OSBPL5: variants seen among roughly 807,000 people sequenced by gnomAD.
OSBPL5 encodes the protein oxysterol-binding protein-related protein 5.
A neutral mutation model predicts 111.2 loss-of-function variants in OSBPL5; 71 were observed. The observed-to-expected ratio is 0.64, with a 90% CI of 0.53 to 0.78. The LOEUF is 0.78. Among genes scored for constraint, OSBPL5 ranks in the 30% least tolerant of loss-of-function variants. The probability of loss-of-function intolerance (pLI) is 0.00; values close to 1 mark genes in which losing one functional copy is unlikely to be tolerated. For synonymous variants in OSBPL5, 549 were observed against 513.9 expected (o/e 1.07, Z -0.93); for missense variants, 1,210 against 1,189.3 (o/e 1.02, Z -0.26).
At chr11:3,093,925 C>A in intron 15 of OSBPL5, 90 bp from the exon 16 acceptor site, 1 of 1,466,604 alleles carries the variant, frequency 6.8e-7, no homozygotes, top group South Asian at 1.2e-5. Flanking sequence ...CAGTTATTCT[C>A]TTGGGGTGCC....
Position 3,126,372 on chromosome 11 carries a change from C to T in OSBPL5, c.219+101G>A, listed in dbSNP as rs1317405795. The T allele has an allele frequency of 6.5e-6, 7 of 1,076,610 alleles. No individual in the cohort carries two copies. Among genetic ancestry groups the T allele is most frequent in the Non-Finnish European group, 9.0e-6 (7 of 779,032 alleles). The allele number at this position is 1,076,610 out of a possible 1,614,324, so 66.7% of individuals were successfully genotyped here. On this transcript the variant is annotated intron_variant, in intron 3 of 21. Coordinates refer to ENST00000263650, the MANE Select transcript of OSBPL5 (RefSeq NM_020896.4). The surrounding 1 kb of genome is among the most constrained non-coding windows in gnomAD (Gnocchi z 6.5). ...GTTTCCCCCGAACAGGCTGGAATGG[C>T]AGGCTCAGCTGGACGCCCTGCTGTC... is the stretch of plus-strand genomic sequence containing the variant.
In OSBPL5 at chr11:3,126,717, T is replaced by C; in HGVS notation, c.137-162A>G. 1.9e-6 allele frequency: 1 copy of C among 532,586 alleles called. No individual in the cohort carries two copies. The highest frequency in any genetic ancestry group is 2.0e-5 in the African/African-American group (1 of 51,240). The allele number at this position is 532,586 out of a possible 1,614,324, so 33.0% of individuals were successfully genotyped here. The stretch of plus-strand genomic sequence containing the variant: ...CAGGAACAGGACACTGCCTGAGAGG[T>C]GTAATAAACGCCAGCAAGCGTCACT... On this transcript the variant is annotated intron_variant, in intron 2 of 21. Coordinates refer to ENST00000263650, the MANE Select transcript of OSBPL5 (RefSeq NM_020896.4). The surrounding 1 kb of genome is among the most constrained non-coding windows in gnomAD (Gnocchi z 6.5).
Position 3,092,303 on chromosome 11 carries a change from G to A in OSBPL5, c.2259+129C>T, listed in dbSNP as rs1332746979. On this transcript the variant is annotated intron_variant, in intron 19 of 21. Transcript: ENST00000263650. This position sits in a 1 kb window ranked among gnomAD's most constrained non-coding sequence, Gnocchi z 5.4. ...TCGGCAGAGAAGGAAAGGGGACGAGGGGGCTGGGGGATGAGGGCGTGAGGG... is the reference window on the plus strand; with the variant it reads ...TCGGCAGAGAAGGAAAGGGGACGAGAGGGCTGGGGGATGAGGGCGTGAGGG... The A allele has an allele frequency of 1.6e-6, 2 of 1,282,550 alleles. No individual in the cohort carries two copies. The highest frequency in any genetic ancestry group is 2.6e-5 in the East Asian group (1 of 38,050). The allele number at this position is 1,282,550 out of a possible 1,614,324, so 79.4% of individuals were successfully genotyped here.
chr11:3,093,477 G>T (rs377467824), intron 17 of OSBPL5, 50 bp downstream of exon 17: 456 of 1,588,570 alleles, frequency 2.9e-4, no homozygotes, highest in Non-Finnish European at 3.5e-4. Context: ...TGCCTGCTTG[G>T]CCATGTCAGG....
In OSBPL5 at chr11:3,103,783, A is replaced by C. The variant is rs1362378908; in HGVS notation, c.1244+410T>G. ...TCTGCAGCCCCCTTCCAGCCTCTGCAGTCCCTTCCTGCCTCTGCAGCCCTC... is the reference window on the plus strand; with the variant it reads ...TCTGCAGCCCCCTTCCAGCCTCTGCCGTCCCTTCCTGCCTCTGCAGCCCTC... On this transcript the variant is annotated intron_variant, in intron 10 of 21. Coordinates refer to ENST00000263650, the MANE Select transcript of OSBPL5 (RefSeq NM_020896.4). 5.1e-3 allele frequency among the ~76,000 whole-genome samples: 260 copies of C among 51,366 alleles called. 7 individuals are homozygous for C. Among genetic ancestry groups the C allele is most frequent in the South Asian group, 0.013 (15 of 1,130 alleles). 33.7% of individuals were successfully genotyped at this position (51,366 alleles called of 152,430 possible).
At chr11:3,128,807 G>C (rs1858724690) in intron 2 of OSBPL5, among the ~76,000 whole-genome samples, 1 of 152,000 alleles carries the variant, frequency 6.6e-6, no homozygotes, top group Non-Finnish European at 1.5e-5. Context: ...TCAACCAGAT[G>C]GGCTTCACCT....
intron 1 of OSBPL5, among the ~76,000 whole-genome samples, chr11:3,157,945 G>T (rs951936475): frequency 5.3e-5 from 8 of 152,242 alleles, no homozygotes; most frequent in Non-Finnish European, 1.0e-4. Flanking sequence ...ACCCTTGGGT[G>T]CCAGTCACCA....
intron 10 of OSBPL5, among the ~76,000 whole-genome samples, 193 bp from the exon 11 acceptor site, chr11:3,103,513 G>A (rs1225277368): frequency 3.3e-5 from 5 of 152,202 alleles, no homozygotes; most frequent in East Asian, 1.9e-4. Context: ...ATCAGAAAGT[G>A]CCAGGGCTGC....
intron 1 of OSBPL5, among the ~76,000 whole-genome samples, chr11:3,148,219 CT>C (rs1446406365): frequency 6.6e-6 from 1 of 152,224 alleles, no homozygotes; most frequent in Non-Finnish European, 1.5e-5. Flanking sequence ...TCTTAGTTGT[CT>C]TTTGGGAAGG....
intron 6 of OSBPL5, 114 bp from the exon 7 acceptor site, chr11:3,119,745 G>T (rs1858337331): frequency 3.1e-6 from 3 of 972,702 alleles, no homozygotes; most frequent in Admixed American, 3.4e-5. Flanking sequence ...CACCCCCAGG[G>T]CCACAGGGCC....
At chr11:3,122,599 G>A (rs74901166) in intron 3 of OSBPL5, among the ~76,000 whole-genome samples, 171 bp from the exon 4 acceptor site, 7,270 of 152,254 alleles carry the variant, frequency 0.048, 346 homozygotes, top group African/African-American at 0.13. Context: ...GGGCTGCCAT[G>A]GGGGGATGGA....
At chr11:3,150,666 C>A (rs567218198) in intron 1 of OSBPL5, among the ~76,000 whole-genome samples, 2 of 152,314 alleles carry the variant, frequency 1.3e-5, no homozygotes, top group Admixed American at 1.3e-4. Context: ...CGGGGTCTCC[C>A]CCGTGGCCAC....
chr11:3,121,945 C>G lies in OSBPL5; in HGVS notation c.402+52G>C. 1 of 1,475,654 alleles carries G rather than the reference C, an allele frequency of 6.8e-7. No homozygotes were observed. The highest frequency in any genetic ancestry group is 9.2e-7 in the Non-Finnish European group (1 of 1,091,074). The allele number at this position is 1,475,654 out of a possible 1,614,324, so 91.4% of individuals were successfully genotyped here. Reference sequence around the variant, plus strand: ...CCTGGTTTATGGTCCTTTGTTATGGCAGCAGCACGCTGACCCGTGTCCTGG... The same window carrying G: ...CCTGGTTTATGGTCCTTTGTTATGGGAGCAGCACGCTGACCCGTGTCCTGG... On this transcript the variant is annotated intron_variant, in intron 5 of 21. Transcript: ENST00000263650. The surrounding 1 kb of genome is among the most constrained non-coding windows in gnomAD (Gnocchi z 4.3).
Position 3,105,786 on chromosome 11 carries a change from C to T in OSBPL5, c.1060-1409G>A, listed in dbSNP as rs1013342304. On this transcript the variant is annotated intron_variant, in intron 9 of 21. Coordinates refer to ENST00000263650, the MANE Select transcript of OSBPL5 (RefSeq NM_020896.4). This position sits in a 1 kb window ranked among gnomAD's most constrained non-coding sequence, Gnocchi z 5.2. ...GGCTGCCCGCTCCATGCCCTCTGCCCGGAGCCCCAGGCTCGCACCTGCAGC... is the reference window on the plus strand; with the variant it reads ...GGCTGCCCGCTCCATGCCCTCTGCCTGGAGCCCCAGGCTCGCACCTGCAGC... Among the ~76,000 whole-genome samples, 30 of 152,196 alleles carry T rather than the reference C, an allele frequency of 2.0e-4. No individual in the cohort carries two copies. The highest frequency in any genetic ancestry group is 2.6e-4 in the Admixed American group (4 of 15,288).
intron 14 of OSBPL5, among the ~76,000 whole-genome samples, chr11:3,096,918 A>T (rs1415197675): frequency 1.3e-5 from 2 of 149,106 alleles, no homozygotes; most frequent in African/African-American, 4.9e-5. Flanking sequence ...TAAAGGGGAG[A>T]AGACGGGAGG....
chr11:3,118,099 A>C (rs995520462), intron 7 of OSBPL5, among the ~76,000 whole-genome samples: 32 of 152,266 alleles, frequency 2.1e-4, no homozygotes, highest in Non-Finnish European at 4.1e-4. Flanking sequence ...ATCAGGTGGA[A>C]CCTGAGACCA....
Position 3,126,564 on chromosome 11 carries a change from G to A in OSBPL5, c.137-9C>T, listed in dbSNP as rs540373979. On this transcript the variant is annotated splice_polypyrimidine_tract_variant and intron_variant, in intron 2 of 21. Coordinates refer to ENST00000263650, the MANE Select transcript of OSBPL5 (RefSeq NM_020896.4). This position sits in a 1 kb window ranked among gnomAD's most constrained non-coding sequence, Gnocchi z 6.5. ...GGGCTCCATGTCCTTCCCTGCAAGA[G>A]AGCAGTGGGAGTGAGGACCCAGGCA... 11 of 1,605,010 alleles carry A rather than the reference G, an allele frequency of 6.9e-6. No homozygotes were observed. The highest frequency in any genetic ancestry group is 1.7e-5 in the Admixed American group (1 of 59,454).
rs1306756070 is a variant in OSBPL5, at chr11:3,094,235, A to C, written c.1719+2T>G. 1 of 1,613,030 alleles carries C rather than the reference A, an allele frequency of 6.2e-7. No individual in the cohort carries two copies. Among genetic ancestry groups the C allele is most frequent in the Admixed American group, 1.7e-5 (1 of 59,984 alleles). On this transcript the variant is annotated splice_donor_variant, in intron 15 of 21. Transcript: ENST00000263650. LOFTEE classifies it high-confidence loss of function. Reference sequence around the variant, plus strand: ...TCTCCCCCAGGCTGCAGCCAGCGCTACCTTGAGTTTGAATTCCAGCTGGGC... The same window carrying C: ...TCTCCCCCAGGCTGCAGCCAGCGCTCCCTTGAGTTTGAATTCCAGCTGGGC...
intron 2 of OSBPL5, among the ~76,000 whole-genome samples, chr11:3,128,528 T>C (rs1330269442): frequency 6.6e-6 from 1 of 152,172 alleles, no homozygotes; most frequent in African/African-American, 2.4e-5. Flanking sequence ...TATCTACAAT[T>C]GCACGAAGGC....
Sources: allele counts gnomAD v4.1 joint callset (sites outside exome capture counted in the v4.1 genomes callset), GRCh38; gene constraint gnomAD v4.1.1; non-coding constraint Gnocchi (gnomAD v3.1); transcripts MANE v1.5; gene names NCBI Gene and HGNC (gene_info 2026-07-23, HGNC 2026-07-21).